The following RTN4 variants were observed in gnomAD, a reference collection of about 807,000 sequenced individuals.
RTN4 encodes reticulon 4, also known as reticulon-4.
Under a neutral mutation model 90.4 loss-of-function variants are expected in RTN4, and 32 were observed. The observed-to-expected ratio is 0.35, with a 90% CI of 0.27 to 0.48. RTN4 has a LOEUF of 0.48. Among genes scored for constraint, RTN4 ranks in the 20% least tolerant of loss-of-function variants. The pLI, the probability that RTN4 is intolerant of heterozygous loss-of-function variation, is 0.99. For missense variants in RTN4, 1,706 were observed against 1,430.2 expected (o/e 1.19, Z -3.11); for synonymous variants, 629 against 552.5 (o/e 1.14, Z -1.94).
chr2:55,127,491 T>C, the RTN4 span, among the ~76,000 whole-genome samples: 1 of 152,254 alleles, frequency 6.6e-6, no homozygotes, highest in African/African-American at 2.4e-5. Context: ...CACAAGCTCT[T>C]TGAGGACAGA....
chr2:55,022,896 A>ACACACACACACACAC, intron 3 of RTN4, among the ~76,000 whole-genome samples: 1 of 137,478 alleles, frequency 7.3e-6, no homozygotes, highest in East Asian at 2.2e-4. Flanking sequence ...TTCAACATCC[A>ACACACACACACACAC]ACACACACAC....
At chr2:55,007,176 T>C (rs7571562) in intron 3 of RTN4, among the ~76,000 whole-genome samples, 10,338 of 152,200 alleles carry the variant, frequency 0.068, 1,090 homozygotes, top group African/African-American at 0.23. Context: ...ACCTCATCCT[T>C]GTCCTGCAAA....
Position 55,025,621 on chromosome 2 carries a change from C to T in RTN4, c.2478G>A (p.Glu826=), listed in dbSNP as rs151330533. The T allele has an allele frequency of 1.4e-5, 22 of 1,613,430 alleles. No individual in the cohort carries two copies. Among genetic ancestry groups the T allele is most frequent in the Non-Finnish European group, 1.8e-5 (21 of 1,179,774 alleles). ...PDEVSTLSKK[E]KIPLQMEELS... is the part of the protein sequence containing the mutation. ...GCTCCTCCATCTGCAAAGGAATTTT[C>T]TCCTTTTTGCTCAATGTTGAAACTT... is the stretch of plus-strand genomic sequence containing the variant. The change falls in exon 3 of 9, where the codon GAG becomes GAA. Residue 826 remains glutamate, a synonymous_variant. Coordinates refer to ENST00000337526, the MANE Select transcript of RTN4 (RefSeq NM_020532.5).
chr2:54,982,779 T>C lies in RTN4; in HGVS notation c.3222-126A>G. Reference sequence around the variant, plus strand: ...ACTATAAAAGCCAACTGTTTCCAAATTAGGGGCAATATAAAAACTCAGCAG... The same window carrying C: ...ACTATAAAAGCCAACTGTTTCCAAACTAGGGGCAATATAAAAACTCAGCAG... On this transcript the variant is annotated intron_variant, in intron 4 of 8. Transcript: ENST00000337526. 3.0e-6 allele frequency: 3 copies of C among 1,008,768 alleles called. No homozygotes were observed. The Admixed American group carries it at 7.9e-5, about 27-fold the overall frequency. The allele number at this position is 1,008,768 out of a possible 1,614,324, so 62.5% of individuals were successfully genotyped here.
At chr2:54,986,297 T>C (rs191159406) in intron 4 of RTN4, among the ~76,000 whole-genome samples, 14 of 152,342 alleles carry the variant, frequency 9.2e-5, no homozygotes, top group Admixed American at 9.1e-4. Context: ...CAAGTCAATG[T>C]AGTAACAAAT....
chr2:55,025,423 T>C lies in RTN4; in HGVS notation c.2676A>G (p.Leu892=). The C allele has an allele frequency of 1.2e-6, 2 of 1,613,938 alleles. No individual in the cohort carries two copies. The highest frequency in any genetic ancestry group is 1.7e-6 in the Non-Finnish European group (2 of 1,179,878). ...CAATTTCACTTTTGTGGGATACTTC[T>C]AGGTCAGTATATTCCCTGGCTAATT... The part of the protein sequence containing the change: ...FSKLAREYTD[L]EVSHKSEIAN... The change falls in exon 3 of 9, where the codon CTA becomes CTG. Residue 892 remains leucine, a synonymous_variant. Coordinates refer to ENST00000337526, the MANE Select transcript of RTN4 (RefSeq NM_020532.5).
chr2:55,037,583 G>T (rs541140719), intron 1 of RTN4, among the ~76,000 whole-genome samples: 1 of 152,192 alleles, frequency 6.6e-6, no homozygotes, highest in Non-Finnish European at 1.5e-5. Context: ...TCTGGCTACT[G>T]TCATTGCTGT....
intron 1 of RTN4, among the ~76,000 whole-genome samples, chr2:55,100,282 C>G (rs377520570): frequency 6.6e-6 from 1 of 152,086 alleles, no homozygotes; most frequent in Non-Finnish European, 1.5e-5. Context: ...AAGCCACATT[C>G]GTCTTGTCTT....
intron 1 of RTN4, among the ~76,000 whole-genome samples, chr2:55,031,335 G>A (rs1426124168): frequency 6.6e-6 from 1 of 152,232 alleles, no homozygotes; most frequent in African/African-American, 2.4e-5. Flanking sequence ...AGTACAGAGA[G>A]AAGCCTAAGA....
chr2:55,043,715 G>A (rs1273684966), intron 1 of RTN4, among the ~76,000 whole-genome samples: 2 of 151,922 alleles, frequency 1.3e-5, no homozygotes, highest in Admixed American at 1.3e-4. Context: ...GTGAAACCCC[G>A]TCTCTACTAA....
At chr2:55,068,682 G>T (rs373805975) in intron 2 of RTN4, among the ~76,000 whole-genome samples, 1 of 123,612 alleles carries the variant, frequency 8.1e-6, no homozygotes. Flanking sequence ...AAAAAAAGGG[G>T]GGGGGGTGGG....
chr2:55,109,169 T>C (rs1381560085), intron 1 of RTN4, among the ~76,000 whole-genome samples: 1 of 152,122 alleles, frequency 6.6e-6, no homozygotes, highest in African/African-American at 2.4e-5. Flanking sequence ...AAAACAGTTA[T>C]ATATTAGAAG....
intron 1 of RTN4, among the ~76,000 whole-genome samples, chr2:55,091,743 A>C (rs2105044808): frequency 6.6e-6 from 1 of 152,330 alleles, no homozygotes; most frequent in East Asian, 1.9e-4. Flanking sequence ...AAAACTAGGA[A>C]GAAAAAGAGG....
the RTN4 span, among the ~76,000 whole-genome samples, chr2:55,126,990 C>T: frequency 1.4e-4 from 22 of 152,190 alleles, no homozygotes; most frequent in Admixed American, 3.3e-4. Context: ...AAGGAAACAA[C>T]AGACACTGGG....
upstream of RTN4, among the ~76,000 whole-genome samples, chr2:55,054,588 C>T (rs368086135): frequency 2.6e-5 from 4 of 152,058 alleles, no homozygotes; most frequent in African/African-American, 4.8e-5. Context: ...AGTTAAAAGG[C>T]GTAGGATGGG....
intron 3 of RTN4, among the ~76,000 whole-genome samples, chr2:54,995,991 A>G (rs1679396643): frequency 6.6e-6 from 1 of 152,210 alleles, no homozygotes; most frequent in Non-Finnish European, 1.5e-5. Context: ...ACAAAAAGCT[A>G]CTAGAAATAA....
At chr2:54,979,053 T>C (rs1677901940) in intron 5 of RTN4, among the ~76,000 whole-genome samples, 1 of 133,546 alleles carries the variant, frequency 7.5e-6, no homozygotes, top group South Asian at 2.2e-4. Flanking sequence ...ATTTTAATAA[T>C]TTTTTTTTTT....
chr2:55,011,637 C>G (rs1680649690), intron 3 of RTN4, among the ~76,000 whole-genome samples: 1 of 152,066 alleles, frequency 6.6e-6, no homozygotes. Context: ...CTGCAAAATC[C>G]TTAATATCAG....
intron 5 of RTN4, among the ~76,000 whole-genome samples, chr2:54,975,401 C>G (rs577977074): frequency 2.6e-5 from 4 of 152,222 alleles, no homozygotes; most frequent in Admixed American, 1.3e-4. Flanking sequence ...AAACATGATG[C>G]CACCAGCTAC....
Sources: allele counts gnomAD v4.1 joint callset (sites outside exome capture counted in the v4.1 genomes callset), GRCh38; gene constraint gnomAD v4.1.1; transcripts MANE v1.5; gene names NCBI Gene and HGNC (gene_info 2026-07-23, HGNC 2026-07-21).